RSPRY1: variants seen among roughly 807,000 people sequenced by gnomAD.
RSPRY1 encodes the protein ring finger and SPRY domain containing 1.
Under a neutral mutation model 73.1 loss-of-function variants are expected in RSPRY1, and 23 were observed. That is an observed-to-expected ratio of 0.31 (90% confidence interval 0.23 to 0.45). The LOEUF is 0.45. Ranked by LOEUF, RSPRY1 falls within the 20% of genes least tolerant of loss-of-function variation. The probability of loss-of-function intolerance (pLI) is 1.00; values close to 1 mark genes in which losing one functional copy is unlikely to be tolerated. For missense variants in RSPRY1, 448 were observed against 698.7 expected, an observed-to-expected ratio of 0.64 and a Z score of 4.05; for synonymous variants, 226 against 251.4, an observed-to-expected ratio of 0.90 and a Z score of 0.95.
chr16:57,231,349 C>G (rs1265774625), intron 13 of RSPRY1, 30 bp downstream of exon 13: 19 of 1,574,886 alleles, frequency 1.2e-5, no homozygotes, highest in Non-Finnish European at 1.6e-5. Context: ...TATCTCCAGA[C>G]TTTCACATGA....
At chr16:57,198,047 A>T (rs1039153357) in intron 1 of RSPRY1, among the ~76,000 whole-genome samples, 10 of 151,384 alleles carry the variant, frequency 6.6e-5, no homozygotes, top group South Asian at 2.1e-4. Context: ...GTCAGATTTT[A>T]AAAAAAAATC....
intron 1 of RSPRY1, among the ~76,000 whole-genome samples, chr16:57,203,866 C>T (rs2146241037): frequency 6.6e-6 from 1 of 152,322 alleles, no homozygotes; most frequent in East Asian, 1.9e-4. Flanking sequence ...GTTTTCCTTT[C>T]CCAAAACAAA....
chr16:57,207,709 C>T (rs2074753716), intron 2 of RSPRY1: 3 of 468,604 alleles, frequency 6.4e-6, no homozygotes, highest in South Asian at 4.6e-5. Context: ...TGATGTTGAC[C>T]TTCCTGGCTT....
chr16:57,201,966 AGAGGGAGAG>A (rs1395018592), intron 1 of RSPRY1, among the ~76,000 whole-genome samples: 5 of 151,760 alleles, frequency 3.3e-5, no homozygotes, highest in African/African-American at 1.2e-4. Context: ...AGAGAGAGGG[AGAGGGAGAG>A]GAGGGAGAGG....
chr16:57,239,401 C>G lies in RSPRY1; in HGVS notation c.*426C>G, dbSNP rs2075347266. 6.6e-6 allele frequency: 1 copy of G among 152,614 alleles called. No homozygotes were observed. Among genetic ancestry groups the G allele is most frequent in the Admixed American group, 6.5e-5 (1 of 15,292 alleles). The allele number at this position is 152,614 out of a possible 1,614,324, so 9.5% of individuals were successfully genotyped here. On this transcript the variant is annotated 3_prime_UTR_variant, in exon 15 of 15. Transcript: ENST00000394420. ...GACAGCGTTTCTGGGTTATGCATAA[C>G]TTCTCACTGGTCAGAGACACCGGTG...
At chr16:57,214,112 GT>G (rs532101452) in intron 6 of RSPRY1, among the ~76,000 whole-genome samples, 166 bp downstream of exon 6, 66 of 152,142 alleles carry the variant, frequency 4.3e-4, no homozygotes, top group Non-Finnish European at 8.7e-4. Context: ...TCCCTCCTAT[GT>G]TTAAAAAAGA....
chr16:57,225,866 G>A (rs1262230958), intron 10 of RSPRY1, among the ~76,000 whole-genome samples: 1 of 152,194 alleles, frequency 6.6e-6, no homozygotes, highest in African/African-American at 2.4e-5. Flanking sequence ...ATCACCTGAG[G>A]TCTAGAGTTC....
rs755872502 is a variant in RSPRY1, at chr16:57,225,804, C to T, written c.1162-1538C>T. Among the ~76,000 whole-genome samples the T allele has an allele frequency of 2.6e-5, 4 of 152,154 alleles. No individual in the cohort carries two copies. In the South Asian group the frequency reaches 6.2e-4, roughly 24 times the overall value. Reference sequence around the variant, plus strand: ...GTAACAAAAAGAAGAAACTGCCAGGCGCGGTGGCTCACGCCTGTAATCCCA... The same window carrying T: ...GTAACAAAAAGAAGAAACTGCCAGGTGCGGTGGCTCACGCCTGTAATCCCA... On this transcript the variant is annotated intron_variant, in intron 10 of 14. Transcript: ENST00000394420.
At chr16:57,229,673 A>C (rs1302889779) in intron 11 of RSPRY1, among the ~76,000 whole-genome samples, 1 of 129,976 alleles carries the variant, frequency 7.7e-6, no homozygotes, top group East Asian at 2.3e-4. Flanking sequence ...ACTTTATCTG[A>C]TAAGTGAAGA....
chr16:57,190,035 G>A (rs1229999214), intron 1 of RSPRY1, among the ~76,000 whole-genome samples: 1 of 152,076 alleles, frequency 6.6e-6, no homozygotes, highest in Non-Finnish European at 1.5e-5. Context: ...AAAATGTTAG[G>A]AATTCTTGAA....
At chr16:57,214,057 C>A in intron 6 of RSPRY1, 111 bp downstream of exon 6, 1 of 730,364 alleles carries the variant, frequency 1.4e-6, no homozygotes, top group South Asian at 1.6e-5. Context: ...AGAATGGAAT[C>A]AATTGTAAAT....
chr16:57,200,235 TC>T (rs2146208093), intron 1 of RSPRY1, among the ~76,000 whole-genome samples: 1 of 148,932 alleles, frequency 6.7e-6, no homozygotes, highest in East Asian at 2.0e-4. Context: ...AGGTCACAGA[TC>T]AACAGGATCC....
rs772658371 is a variant in RSPRY1, at chr16:57,235,158, A to G, written c.1564A>G (p.Ile522Val). The G allele has an allele frequency of 5.0e-6, 8 of 1,614,212 alleles. No individual in the cohort carries two copies. The highest frequency in any genetic ancestry group is 6.8e-6 in the Non-Finnish European group (8 of 1,180,022). The change falls in exon 14 of 15, where the codon ATC (isoleucine) becomes GTC (valine). Residue 522 changes from isoleucine to valine, a missense_variant. By Grantham distance (29) the Ile-to-Val change is conservative. Transcript: ENST00000394420. ...TCTTGCTCTGTTGAAGCAAGTCAGT[A>G]TCCGAGAAAACTGCTGTTCCCTTTG... is the stretch of plus-strand genomic sequence containing the variant. ...RRLALLKQVS[I>V]RENCCSLCCD...
chr16:57,188,762 T>A (rs2074297287), intron 1 of RSPRY1, among the ~76,000 whole-genome samples: 1 of 152,122 alleles, frequency 6.6e-6, no homozygotes, highest in Non-Finnish European at 1.5e-5. Flanking sequence ...GTAATCCGCC[T>A]GCCTCGGCCT....
At chr16:57,186,881 G>A (rs1013979393) in intron 1 of RSPRY1, 2 of 152,376 alleles carry the variant, frequency 1.3e-5, no homozygotes, top group African/African-American at 4.8e-5. Flanking sequence ...TAGATGAAGG[G>A]ACGCTTTAGG....
At chr16:57,217,600 A>AT (rs1375692312) in intron 8 of RSPRY1, among the ~76,000 whole-genome samples, 2 of 152,248 alleles carry the variant, frequency 1.3e-5, no homozygotes, top group Non-Finnish European at 2.9e-5. Flanking sequence ...CAGATTTCAC[A>AT]TTTTTTCAGA....
intron 1 of RSPRY1, among the ~76,000 whole-genome samples, chr16:57,201,770 A>G (rs2074615450): frequency 6.6e-6 from 1 of 152,246 alleles, no homozygotes; most frequent in Admixed American, 6.5e-5. Context: ...CAGCCCGGCC[A>G]ACACAGCGAA....
chr16:57,225,507 AT>A (rs1325162921), intron 10 of RSPRY1, among the ~76,000 whole-genome samples: 2 of 152,202 alleles, frequency 1.3e-5, no homozygotes, highest in Non-Finnish European at 2.9e-5. Context: ...GTACAAAATC[AT>A]TGTTGCATTC....
intron 14 of RSPRY1, among the ~76,000 whole-genome samples, 158 bp from the exon 15 acceptor site, chr16:57,238,720 AT>A (rs370760589): frequency 3.9e-5 from 6 of 152,314 alleles, no homozygotes; most frequent in African/African-American, 1.4e-4. Context: ...GAAATGTAAG[AT>A]TTACTTTTTA....
Sources: allele counts gnomAD v4.1 joint callset (sites outside exome capture counted in the v4.1 genomes callset), GRCh38; gene constraint gnomAD v4.1.1; transcripts MANE v1.5; gene names NCBI Gene and HGNC (gene_info 2026-07-23, HGNC 2026-07-21).